H6PD: variants seen among roughly 807,000 people sequenced by gnomAD.
The protein encoded by H6PD is GDH/6PGL endoplasmic bifunctional protein.
A neutral mutation model predicts 61.2 loss-of-function variants in H6PD; 48 were observed. The ratio of observed to expected loss-of-function variants is 0.78; its 90% CI spans 0.62 to 1.00. The LOEUF (loss-of-function observed/expected upper bound fraction) is 1.00. H6PD is among the 50% of genes least tolerant of loss of function. The pLI is 0.00. For missense variants in H6PD, 1,093 were observed against 1,065.0 expected (o/e 1.03, Z -0.37); for synonymous variants, 480 against 457.9 (o/e 1.05, Z -0.62).
At position 9,236,427 on chromosome 1, in the gene H6PD, C is replaced by T. The variant is rs1289367693; in HGVS notation, c.-11+1361C>T. On this transcript the variant is annotated intron_variant, in intron 1 of 4. Coordinates refer to ENST00000377403, the MANE Select transcript of H6PD (RefSeq NM_004285.4). ...CTGTAATCCCAACACTTTCGGAGGC[C>T]AGGGCGGGCAGGTCACTTGAAGAGT... 2.6e-5 allele frequency among the ~76,000 whole-genome samples: 4 copies of T among 152,178 alleles called. No homozygotes were observed. In the East Asian group the frequency reaches 5.8e-4, roughly 22 times the overall value.
chr1:9,237,420 A>T (rs527627450), intron 1 of H6PD, among the ~76,000 whole-genome samples: 4 of 151,462 alleles, frequency 2.6e-5, no homozygotes, highest in Non-Finnish European at 4.4e-5. Flanking sequence ...GTTAGTAGAG[A>T]CGGGGTTTCA....
chr1:9,257,316 A>G (rs1449390577), intron 3 of H6PD, among the ~76,000 whole-genome samples: 1 of 151,404 alleles, frequency 6.6e-6, no homozygotes, highest in African/African-American at 2.4e-5. Context: ...TTTTTGTAGA[A>G]ACAGGGTCTC....
rs1460781231 is a variant in H6PD, at chr1:9,264,915, C to T, written c.*46C>T. 1 of 1,598,488 alleles carries T rather than the reference C, an allele frequency of 6.3e-7. No individual in the cohort carries two copies. Among genetic ancestry groups the T allele is most frequent in the East Asian group, 2.2e-5 (1 of 44,818 alleles). Reference sequence around the variant, plus strand: ...CGCTTCGCTCCTGTGCTTTCCTTCGCCCGTGTCTTCCCTCCCTTCTCGGCC... The same window carrying T: ...CGCTTCGCTCCTGTGCTTTCCTTCGTCCGTGTCTTCCCTCCCTTCTCGGCC... On this transcript the variant is annotated 3_prime_UTR_variant, in exon 5 of 5. Coordinates refer to ENST00000377403, the MANE Select transcript of H6PD (RefSeq NM_004285.4).
rs1638403601 is a variant in H6PD at position 9,263,406 on chromosome 1, G to A, written c.1016-103G>A. The A allele has an allele frequency of 2.7e-6, 3 of 1,124,988 alleles. No homozygotes were observed. In the Admixed American group the frequency reaches 5.1e-5, roughly 19 times the overall value. The allele number at this position is 1,124,988 out of a possible 1,614,324, so 69.7% of individuals were successfully genotyped here. A position where few individuals can be genotyped will look rare whatever the true frequency, so the allele number is the denominator to read the frequency against. ...GCATGGCAAGGCGAGGGGCTTCCCT[G>A]AGGCAGGGGGACGCCCAGAGGAGCC... On this transcript the variant is annotated intron_variant, in intron 4 of 4. Transcript: ENST00000377403.
chr1:9,242,978 G>T (rs1418014151), intron 1 of H6PD: 1 of 985,086 alleles, frequency 1.0e-6, no homozygotes, highest in Non-Finnish European at 1.2e-6. Context: ...GTCCGTGTGT[G>T]TATTTAGGGG....
At chr1:9,239,270 C>T (rs1468393956) in intron 1 of H6PD, among the ~76,000 whole-genome samples, 2 of 152,198 alleles carry the variant, frequency 1.3e-5, no homozygotes, top group Non-Finnish European at 2.9e-5. Flanking sequence ...TGGTCTCAAT[C>T]TCCTGGGCTC....
intron 3 of H6PD, among the ~76,000 whole-genome samples, chr1:9,249,706 G>C (rs78061576): frequency 0.018 from 2,812 of 152,358 alleles, 32 homozygotes; most frequent in Admixed American, 0.026. Context: ...GGTGAGACCA[G>C]AGTGGGGCTA....
rs1638524025 is a variant in H6PD at position 9,265,426 on chromosome 1, C to T, written c.*557C>T. 1 of 184,502 alleles carries T rather than the reference C, an allele frequency of 5.4e-6. No homozygotes were observed. Among genetic ancestry groups the T allele is most frequent in the Non-Finnish European group, 1.2e-5 (1 of 86,572 alleles). The allele number at this position is 184,502 out of a possible 1,614,324, so 11.4% of individuals were successfully genotyped here. A position where few individuals can be genotyped will look rare whatever the true frequency, so the allele number is the denominator to read the frequency against. On this transcript the variant is annotated 3_prime_UTR_variant, in exon 5 of 5. Coordinates refer to ENST00000377403, the MANE Select transcript of H6PD (RefSeq NM_004285.4). ...AGCCCCTCCTTCCCCAGCTGCCCCT[C>T]CTTCTAGAACCTCTGCACATCTAGC...
At chr1:9,258,422 A>C (rs998994477) in intron 3 of H6PD, among the ~76,000 whole-genome samples, 9 of 151,462 alleles carry the variant, frequency 5.9e-5, no homozygotes, top group African/African-American at 2.2e-4. Flanking sequence ...GTCAGTGTTA[A>C]TGTTGCTGTT....
intron 3 of H6PD, among the ~76,000 whole-genome samples, chr1:9,252,087 GTGT>G (rs1390965606): frequency 1.3e-5 from 2 of 152,094 alleles, no homozygotes; most frequent in Non-Finnish European, 2.9e-5. Context: ...ACAAATGGAA[GTGT>G]TGTTGTTCTT....
chr1:9,263,145 C>T (rs938180972), intron 4 of H6PD, among the ~76,000 whole-genome samples: 1 of 152,150 alleles, frequency 6.6e-6, no homozygotes, highest in Non-Finnish European at 1.5e-5. Context: ...GACCCCCTGA[C>T]CCCTCAAATA....
chr1:9,259,099 C>A (rs905595780), intron 3 of H6PD, among the ~76,000 whole-genome samples: 7 of 152,218 alleles, frequency 4.6e-5, no homozygotes, highest in Non-Finnish European at 7.3e-5. Flanking sequence ...TCACGCCATT[C>A]TCCTGCCTCA....
chr1:9,263,539 G>A lies in H6PD; in HGVS notation c.1046G>A (p.Trp349Ter). The A allele has an allele frequency of 6.2e-7, 1 of 1,614,184 alleles. No homozygotes were observed. The highest frequency in any genetic ancestry group is 8.5e-7 in the Non-Finnish European group (1 of 1,179,994). Residue 349 changes from tryptophan to a stop codon, truncating the protein, a stop_gained, in exon 5 of 5, where the codon TGG (tryptophan) becomes TAG (stop). Coordinates refer to ENST00000377403, the MANE Select transcript of H6PD (RefSeq NM_004285.4). LOFTEE classifies it low-confidence loss of function (END_TRUNC). Reference sequence around the variant, plus strand: ...CTAGTGCACATTGACAACCTTCGCTGGGAGGGCGTGCCTTTCATCCTGATG... The same window carrying A: ...CTAGTGCACATTGACAACCTTCGCTAGGAGGGCGTGCCTTTCATCCTGATG... ...AVLVHIDNLR[W>*]EGVPFILMSG...
At chr1:9,252,134 T>C (rs1244125544) in intron 3 of H6PD, among the ~76,000 whole-genome samples, 1 of 152,212 alleles carries the variant, frequency 6.6e-6, no homozygotes, top group Non-Finnish European at 1.5e-5. Flanking sequence ...GGCAGTGTTC[T>C]TGCAGTGTGT....
chr1:9,257,007 T>C (rs1484490419), intron 3 of H6PD, among the ~76,000 whole-genome samples: 1 of 152,248 alleles, frequency 6.6e-6, no homozygotes, highest in Non-Finnish European at 1.5e-5. Flanking sequence ...CTCAGCTCTG[T>C]CTTCTGCTAG....
rs34082738 is a variant in H6PD, at chr1:9,264,707, C to T, written c.2214C>T (p.Arg738=). The T allele has an allele frequency of 2.5e-5, 41 of 1,613,288 alleles. No individual in the cohort carries two copies. In the African/African-American group the frequency reaches 4.5e-4, roughly 18 times the overall value. The stretch of plus-strand genomic sequence containing the variant: ...GCCTTAGCCTGCCTCTCATCAACCG[C>T]GCCAAGAAGGTGGCAGTCCTGGTCA... ...RMSLSLPLIN[R]AKKVAVLVMG... is the part of the protein sequence containing the mutation. Residue 738 remains arginine, a synonymous_variant, in exon 5 of 5, where the codon CGC becomes CGT. Coordinates refer to ENST00000377403, the MANE Select transcript of H6PD (RefSeq NM_004285.4).
intron 3 of H6PD, among the ~76,000 whole-genome samples, chr1:9,252,066 G>A (rs936258926): frequency 3.3e-5 from 5 of 152,020 alleles, no homozygotes; most frequent in Admixed American, 2.6e-4. Context: ...TAATGCACAC[G>A]GAAATACGTT....
intron 3 of H6PD, among the ~76,000 whole-genome samples, chr1:9,252,622 T>A (rs1377418667): frequency 1.3e-5 from 2 of 152,226 alleles, no homozygotes; most frequent in Non-Finnish European, 2.9e-5. Flanking sequence ...AATATAAAAT[T>A]AAGTGGTTTT....
At chr1:9,261,978 G>A (rs566108178) in intron 3 of H6PD, 81 bp from the exon 4 acceptor site, 1 of 1,406,408 alleles carries the variant, frequency 7.1e-7, no homozygotes, top group Non-Finnish European at 1.0e-6. Flanking sequence ...TGTGCGGGCT[G>A]GGGTTTTGGT....
Sources: allele counts gnomAD v4.1 joint callset (sites outside exome capture counted in the v4.1 genomes callset), GRCh38; gene constraint gnomAD v4.1.1; transcripts MANE v1.5; gene names NCBI Gene and HGNC (gene_info 2026-07-23, HGNC 2026-07-21).